SNX1: variants seen among roughly 807,000 people sequenced by gnomAD.
The protein encoded by SNX1 is sorting nexin-1.
SNX1 carries 36 observed loss-of-function variants against 71.8 expected under a neutral mutation model. The observed-to-expected ratio is 0.50, with a 90% confidence interval of 0.38 to 0.66. The LOEUF is 0.66. Among genes scored for constraint, SNX1 ranks in the 30% least tolerant of loss-of-function variants. The pLI is 0.00. For synonymous variants in SNX1, 254 were observed against 240.7 expected (o/e 1.06, Z -0.51); for missense variants, 612 against 646.7 (o/e 0.95, Z 0.58).
chr15:64,102,237 G>A lies in SNX1; in HGVS notation c.159+6065G>A, dbSNP rs533926954. ...GCTGCTTTACTGGAGTGGACTCAACGTGGTTATTGTATATTGTCTTTTTTG... is the reference window on the plus strand; with the variant it reads ...GCTGCTTTACTGGAGTGGACTCAACATGGTTATTGTATATTGTCTTTTTTG... On this transcript the variant is annotated intron_variant, in intron 1 of 14. Coordinates refer to ENST00000559844, the MANE Select transcript of SNX1 (RefSeq NM_003099.5). Among the ~76,000 whole-genome samples the A allele has an allele frequency of 5.9e-5, 9 of 152,234 alleles. No individual in the cohort carries two copies. The South Asian group carries it at 1.5e-3, about 25-fold the overall frequency.
In SNX1 at chr15:64,112,681, G is replaced by A; in HGVS notation, c.268G>A (p.Ala90Thr). The change falls in exon 2 of 15, where the codon GCA becomes ACA. Residue 90 changes from alanine (A) to threonine (T), a missense_variant. Physicochemically the swap from Ala to Thr is moderately conservative, Grantham distance 58 (BLOSUM62 0). Around this residue, in one of 2 missense-constraint regions of SNX1, gnomAD observed 316 missense variants for 284.9 expected, o/e 1.11. Coordinates refer to ENST00000559844, the MANE Select transcript of SNX1 (RefSeq NM_003099.5). ...EQDQEPQDLF[A>T]DATVELSLDS... is the part of the protein sequence containing the mutation. Reference sequence around the variant, plus strand: ...AGACCAAGAGCCACAGGATCTCTTTGCAGGCAAGTTTGGACTCAAAAGTTA... The same window carrying A: ...AGACCAAGAGCCACAGGATCTCTTTACAGGCAAGTTTGGACTCAAAAGTTA... 1 of 1,608,314 alleles carries A rather than the reference G, an allele frequency of 6.2e-7. No homozygotes were observed. Among genetic ancestry groups the A allele is most frequent in the East Asian group, 2.2e-5 (1 of 44,806 alleles).
chr15:64,108,410 A>G (rs1443399717), intron 1 of SNX1, among the ~76,000 whole-genome samples: 1 of 152,148 alleles, frequency 6.6e-6, no homozygotes, highest in Non-Finnish European at 1.5e-5. Flanking sequence ...GTGTGTTATA[A>G]TGTCCAGGTG....
chr15:64,112,486 TGAGG>T (rs1437105541), intron 1 of SNX1, 83 bp from the exon 2 acceptor site: 2 of 755,324 alleles, frequency 2.6e-6, no homozygotes, highest in Non-Finnish European at 4.4e-6. Flanking sequence ...TGGTGGCAAC[TGAGG>T]GAGGCATTAA....
intron 11 of SNX1, among the ~76,000 whole-genome samples, chr15:64,133,378 A>G (rs145367671): frequency 3.1e-4 from 47 of 152,304 alleles, no homozygotes; most frequent in African/African-American, 1.1e-3. Context: ...ATTTGGTGGC[A>G]TTGCATTCCC....
At position 64,126,159 on chromosome 15, in the gene SNX1, T is replaced by C. The variant is rs1433588884; in HGVS notation, c.591T>C (p.Leu197=). The change falls in exon 6 of 15, where the codon CTT becomes CTC. Residue 197 remains leucine, a synonymous_variant. Transcript: ENST00000559844. ...ACTTTCTGGGTCTTTATGAGAAGCT[T>C]TCCGAGAAGCACTCTCAGAATGGCT... ...FSDFLGLYEK[L]SEKHSQNGFI... 2 of 1,614,148 alleles carry C rather than the reference T, an allele frequency of 1.2e-6. No individual in the cohort carries two copies. The highest frequency in any genetic ancestry group is 4.5e-5 in the East Asian group (2 of 44,878).
At chr15:64,101,838 G>T (rs1476813275) in intron 1 of SNX1, among the ~76,000 whole-genome samples, 1 of 152,220 alleles carries the variant, frequency 6.6e-6, no homozygotes, top group Non-Finnish European at 1.5e-5. Context: ...TAGAGTGAAT[G>T]TGGTTAACTG....
At chr15:64,111,872 G>T (rs182674460) in intron 1 of SNX1, among the ~76,000 whole-genome samples, 1 of 152,162 alleles carries the variant, frequency 6.6e-6, no homozygotes, top group Non-Finnish European at 1.5e-5. Context: ...TCTGGTACCG[G>T]TCTGGGGACC....
rs2081375411 is a variant in SNX1, at chr15:64,137,854, G to T, written c.*236G>T. ...TTTAAGCAAAAGACCTACAATAGGT[G>T]GTGGAATTATGGGATGGGGTGGAGT... On this transcript the variant is annotated 3_prime_UTR_variant, in exon 15 of 15. Coordinates refer to ENST00000559844, the MANE Select transcript of SNX1 (RefSeq NM_003099.5). The T allele has an allele frequency of 7.1e-7, 1 of 1,406,264 alleles. No homozygotes were observed. Among genetic ancestry groups the T allele is most frequent in the Middle Eastern group, 1.9e-4 (1 of 5,344 alleles). The allele number at this position is 1,406,264 out of a possible 1,614,324, so 87.1% of individuals were successfully genotyped here.
At position 64,130,329 on chromosome 15, in the gene SNX1, G is replaced by A. The variant is rs541934300; in HGVS notation, c.1015+8G>A. The A allele has an allele frequency of 6.2e-7, 1 of 1,607,122 alleles. No individual in the cohort carries two copies. The highest frequency in any genetic ancestry group is 1.7e-5 in the Admixed American group (1 of 59,998). On this transcript the variant is annotated splice_region_variant and intron_variant, in intron 10 of 14. Coordinates refer to ENST00000559844, the MANE Select transcript of SNX1 (RefSeq NM_003099.5). ...TAGTCAACCATAGGAAAGGTAACAA[G>A]CTCTGAAATGCACTTGGAGCTAGGG...
intron 4 of SNX1, 33 bp from the exon 5 acceptor site, chr15:64,123,470 A>G (rs372249035): frequency 4.4e-6 from 7 of 1,603,748 alleles, no homozygotes; most frequent in Non-Finnish European, 6.0e-6. Flanking sequence ...TTTGGTTTAC[A>G]AGATAATCTT....
rs908293885 is a variant in SNX1 at position 64,129,010 on chromosome 15, G to T, written c.808-906G>T. Among the ~76,000 whole-genome samples, 2 of 152,182 alleles carry T rather than the reference G, an allele frequency of 1.3e-5. No individual in the cohort carries two copies. Among genetic ancestry groups the T allele is most frequent in the Non-Finnish European group, 2.9e-5 (2 of 68,032 alleles). On this transcript the variant is annotated intron_variant, in intron 8 of 14. Transcript: ENST00000559844. The surrounding 1 kb of genome is among the most constrained non-coding windows in gnomAD (Gnocchi z 4.4). Reference sequence around the variant, plus strand: ...GGCTGTAATTCCAGCACTTTGGGAGGCTGAGGCAGGAGGATCACCTGAGGT... The same window carrying T: ...GGCTGTAATTCCAGCACTTTGGGAGTCTGAGGCAGGAGGATCACCTGAGGT...
chr15:64,142,478 C>A lies in SNX1; in HGVS notation c.*4860C>A. On this transcript the variant is annotated 3_prime_UTR_variant, in exon 15 of 15. Coordinates refer to ENST00000559844, the MANE Select transcript of SNX1 (RefSeq NM_003099.5). ...AGAGAAAGAGAATGACTATCAGAGCCATGTTTGGAAGAAAATGGGGTCCAG... is the reference window on the plus strand; with the variant it reads ...AGAGAAAGAGAATGACTATCAGAGCAATGTTTGGAAGAAAATGGGGTCCAG... The A allele has an allele frequency of 3.0e-6, 1 of 334,526 alleles. No individual in the cohort carries two copies. The allele number at this position is 334,526 out of a possible 1,614,324, so 20.7% of individuals were successfully genotyped here.
intron 1 of SNX1, among the ~76,000 whole-genome samples, chr15:64,108,812 A>G (rs961036714): frequency 6.6e-6 from 1 of 151,632 alleles, no homozygotes; most frequent in African/African-American, 2.4e-5. Flanking sequence ...ACATGATGAA[A>G]CGCCGTCTCC....
intron 3 of SNX1, 112 bp downstream of exon 3, chr15:64,118,356 G>T: frequency 8.3e-7 from 1 of 1,208,086 alleles, no homozygotes; most frequent in Non-Finnish European, 1.2e-6. Context: ...ACTCTTGAAG[G>T]AGATCTTTAT....
At chr15:64,127,569 A>G (rs2081266359) in intron 7 of SNX1, among the ~76,000 whole-genome samples, 162 bp from the exon 8 acceptor site, 1 of 152,180 alleles carries the variant, frequency 6.6e-6, no homozygotes, top group African/African-American at 2.4e-5. Flanking sequence ...AGGAATGTGA[A>G]CTTGAATATG....
intron 1 of SNX1, 71 bp downstream of exon 1, chr15:64,096,243 G>A: frequency 6.6e-7 from 1 of 1,508,708 alleles, no homozygotes; most frequent in Non-Finnish European, 8.8e-7. Context: ...AGCGAGAATC[G>A]GGGAGGTTGG....
At chr15:64,118,934 C>T (rs1470482749) in intron 4 of SNX1, 80 bp downstream of exon 4, 5 of 1,062,454 alleles carry the variant, frequency 4.7e-6, no homozygotes, top group East Asian at 4.8e-5. Flanking sequence ...GATGGCTACC[C>T]CCAGAGTTGA....
chr15:64,105,328 C>T (rs1691499858), intron 1 of SNX1, among the ~76,000 whole-genome samples: 1 of 152,084 alleles, frequency 6.6e-6, no homozygotes, highest in African/African-American at 2.4e-5. Context: ...GGTAAGGCCA[C>T]TCTGACAACT....
At position 64,142,238 on chromosome 15, in the gene SNX1, A is replaced by G. The variant is rs1596016340; in HGVS notation, c.*4620A>G. On this transcript the variant is annotated 3_prime_UTR_variant, in exon 15 of 15. Transcript: ENST00000559844. Reference sequence around the variant, plus strand: ...TGCCTGTAGGCCCAGCTACGCGGGAACATCACCTGAGCCCAGGAGGTTGAG... The same window carrying G: ...TGCCTGTAGGCCCAGCTACGCGGGAGCATCACCTGAGCCCAGGAGGTTGAG... 6 of 168,590 alleles carry G rather than the reference A, an allele frequency of 3.6e-5. 1 individual carries two copies. The Admixed American group carries it at 3.7e-4, about 10-fold the overall frequency. The allele number at this position is 168,590 out of a possible 1,614,324, so 10.4% of individuals were successfully genotyped here.
Sources: gnomAD v4.1 joint callset for allele counts (sites outside exome capture counted in the v4.1 genomes callset) on GRCh38, gnomAD v4.1.1 for gene constraint, gnomAD v4.1.1 regional missense constraint, Gnocchi (gnomAD v3.1) non-coding constraint, MANE v1.5 for transcripts, NCBI Gene and HGNC (gene_info 2026-07-23, HGNC 2026-07-21) for gene names.